ABCA2: variants seen among roughly 807,000 people sequenced by gnomAD.
ABCA2 encodes ATP binding cassette subfamily A member 2, also known as ATP-binding cassette sub-family A member 2.
ABCA2 carries 84 observed loss-of-function variants against 262.8 expected under a neutral mutation model. That is an observed-to-expected ratio of 0.32 (90% confidence interval 0.27 to 0.38). The LOEUF is 0.38. ABCA2 is among the 10% of genes least tolerant of loss of function. ABCA2 has a pLI of 1.00. For synonymous variants in ABCA2, 1,696 were observed against 1,502.9 expected, an observed-to-expected ratio of 1.13 and a Z score of -2.97; for missense variants, 2,662 against 3,405.9, an observed-to-expected ratio of 0.78 and a Z score of 5.44.
chr9:137,012,240 C>A, intron 33 of ABCA2, 25 bp downstream of exon 33: 1 of 1,592,440 alleles, frequency 6.3e-7, no homozygotes, highest in South Asian at 1.1e-5. Flanking sequence ...CCCCGCCCCG[C>A]CCCGCCCTGC....
At chr9:137,023,785 G>GC (rs1249610418) in intron 3 of ABCA2, 53 bp downstream of exon 3, 3 of 734,074 alleles carry the variant, frequency 4.1e-6, no homozygotes, top group Non-Finnish European at 7.6e-6. Context: ...CGGCCCATGG[G>GC]CCCCCCGCAG....
Position 137,011,125 on chromosome 9 carries a change from G to C in ABCA2, c.5924-20C>G, listed in dbSNP as rs1831027650. 1 of 1,612,092 alleles carries C rather than the reference G, an allele frequency of 6.2e-7. No individual in the cohort carries two copies. Among genetic ancestry groups the C allele is most frequent in the East Asian group, 2.2e-5 (1 of 44,866 alleles). On this transcript the variant is annotated intron_variant, in intron 38 of 48. Coordinates refer to ENST00000341511, the MANE Select transcript of ABCA2 (RefSeq NM_001606.5). The surrounding 1 kb of genome is among the most constrained non-coding windows in gnomAD (Gnocchi z 8.8). ...ACTGGCCTGCGGGGAGACAGCTCAG[G>C]GCCTGTGCTCTGGGCCTTGCGGGGC... is the stretch of plus-strand genomic sequence containing the variant.
chr9:137,008,967 G>T lies in ABCA2; in HGVS notation c.6914C>A (p.Pro2305Gln). The change falls in exon 46 of 49, where the codon CCG becomes CAG. Residue 2305 changes from proline (P) to glutamine (Q), a missense_variant. Coordinates refer to ENST00000341511, the MANE Select transcript of ABCA2 (RefSeq NM_001606.5). ...ACGGCGCACCTTGAGCATGGCTTCC[G>T]GGAAGTTGCGGTTGAAGAACCGCAC... is the stretch of plus-strand genomic sequence containing the variant. The part of the protein sequence containing the change: ...DVVRFFNRNF[P>Q]EAMLKERHHT... 6.4e-7 allele frequency: 1 copy of T among 1,557,616 alleles called. No homozygotes were observed. The highest frequency in any genetic ancestry group is 1.1e-5 in the South Asian group (1 of 89,630).
At position 137,012,937 on chromosome 9, in the gene ABCA2, G is replaced by A; in HGVS notation, c.4868-12C>T. The A allele has an allele frequency of 6.7e-7, 1 of 1,497,190 alleles. No homozygotes were observed. The highest frequency in any genetic ancestry group is 8.9e-7 in the Non-Finnish European group (1 of 1,121,528). The allele number at this position is 1,497,190 out of a possible 1,614,324, so 92.7% of individuals were successfully genotyped here. On this transcript the variant is annotated splice_polypyrimidine_tract_variant and intron_variant, in intron 30 of 48. Coordinates refer to ENST00000341511, the MANE Select transcript of ABCA2 (RefSeq NM_001606.5). ...CGACGTCCACATTTCTGTGGGCACA[G>A]CATGGTGCGGTGAGAAGGACCCCTC...
chr9:137,011,219 T>G lies in ABCA2; in HGVS notation c.5890A>C (p.Asn1964His). ...GCGTAGTACTCGTTGATGTACTCGTTGTAGGCCATCTCCATGAGCCCGTGG... is the reference window on the plus strand; with the variant it reads ...GCGTAGTACTCGTTGATGTACTCGTGGTAGGCCATCTCCATGAGCCCGTGG... The part of the protein sequence containing the change: ...LGHGLMEMAY[N>H]EYINEYYAKI... The change falls in exon 38 of 49, where the codon AAC (asparagine) becomes CAC (histidine). Residue 1964 changes from asparagine (N) to histidine (H), a missense_variant. Asn to His is a moderately conservative substitution (Grantham distance 68). This residue lies in a region of ABCA2 where 602 missense variants were observed against 897.4 expected (regional missense o/e 0.67). Coordinates refer to ENST00000341511, the MANE Select transcript of ABCA2 (RefSeq NM_001606.5). The surrounding 1 kb of genome is among the most constrained non-coding windows in gnomAD (Gnocchi z 8.8). 1.2e-6 allele frequency: 2 copies of G among 1,612,452 alleles called. No individual in the cohort carries two copies. The highest frequency in any genetic ancestry group is 1.7e-6 in the Non-Finnish European group (2 of 1,179,838).
chr9:137,022,979 C>T lies in ABCA2; in HGVS notation c.237G>A (p.Gln79=). The change falls in exon 4 of 49, where the codon CAG becomes CAA. Residue 79 remains glutamine (Q), a synonymous_variant. Transcript: ENST00000341511. ...PVMQSLCPDG[Q]RDEFGFLQYA... ...ACTGCAGGAAGCCGAACTCGTCTCG[C>T]TGGCCGTCCGGGCACAGCGATTGCA... The T allele has an allele frequency of 6.3e-7, 1 of 1,591,538 alleles. No individual in the cohort carries two copies. The highest frequency in any genetic ancestry group is 8.5e-7 in the Non-Finnish European group (1 of 1,170,142).
chr9:137,021,931 G>A lies in ABCA2; in HGVS notation c.638C>T (p.Pro213Leu). Residue 213 changes from proline to leucine, a missense_variant, in exon 7 of 49, where the codon CCC (proline) becomes CTC (leucine). Coordinates refer to ENST00000341511, the MANE Select transcript of ABCA2 (RefSeq NM_001606.5). This position sits in a 1 kb window ranked among gnomAD's most constrained non-coding sequence, Gnocchi z 6.0. Reference protein sequence around the residue: ...SQSGLHKGQEPWSRLGGNPLF... With the variant: ...SQSGLHKGQELWSRLGGNPLF... ...GGGATTGCCCCCTAGGCGGCTCCAG[G>A]GCTCCTGACCCTTGTGGAGGCCAGA... The A allele has an allele frequency of 1.2e-6, 2 of 1,605,618 alleles. No individual in the cohort carries two copies. Among genetic ancestry groups the A allele is most frequent in the South Asian group, 1.1e-5 (1 of 89,460 alleles).
Position 137,016,246 on chromosome 9 carries a change from G to C in ABCA2, c.3104+45C>G, listed in dbSNP as rs141068630. 8.6e-5 allele frequency: 138 copies of C among 1,611,656 alleles called. 1 individual carries two copies. In the African/African-American group the frequency reaches 1.6e-3, roughly 19 times the overall value. On this transcript the variant is annotated intron_variant, in intron 21 of 48. Transcript: ENST00000341511. Reference sequence around the variant, plus strand: ...CCACCCTGCCCTGACTAGGACTCCTGCTCTGGTCAGCAGATGCCCACCGCC... The same window carrying C: ...CCACCCTGCCCTGACTAGGACTCCTCCTCTGGTCAGCAGATGCCCACCGCC...
At position 137,019,441 on chromosome 9, in the gene ABCA2, T is replaced by A; in HGVS notation, c.1426-135A>T. The A allele has an allele frequency of 1.0e-6, 1 of 961,604 alleles. No homozygotes were observed. Among genetic ancestry groups the A allele is most frequent in the Non-Finnish European group, 1.5e-6 (1 of 673,826 alleles). 59.6% of individuals were successfully genotyped at this position (961,604 alleles called of 1,614,324 possible). A position where few individuals can be genotyped will look rare whatever the true frequency, so the allele number is the denominator to read the frequency against. ...CTCCCCACCTTTTTTTTTTTTTTTT[T>A]CCTGAGACAGGGTCTCAGTCACCCA... On this transcript the variant is annotated intron_variant, in intron 10 of 48. Coordinates refer to ENST00000341511, the MANE Select transcript of ABCA2 (RefSeq NM_001606.5). The surrounding 1 kb of genome is among the most constrained non-coding windows in gnomAD (Gnocchi z 4.4).
upstream of ABCA2, chr9:137,028,425 G>A: frequency 2.6e-6 from 1 of 379,776 alleles, no homozygotes; most frequent in Non-Finnish European, 3.6e-6. The surrounding 1 kb of genome is among the most constrained non-coding windows in gnomAD (Gnocchi z 6.9). Flanking sequence ...GACCCTGCGC[G>A]CGCCGCCGCC....
Position 137,019,349 on chromosome 9 carries a change from CCCA to C in ABCA2, c.1426-46_1426-44del. On this transcript the variant is annotated intron_variant, in intron 10 of 48. Coordinates refer to ENST00000341511, the MANE Select transcript of ABCA2 (RefSeq NM_001606.5). The surrounding 1 kb of genome is among the most constrained non-coding windows in gnomAD (Gnocchi z 4.4). ...GGGGCATGGAGTTTCTGGACGGACC[CCCA>C]CCGACTTGGGGGCTCTCACCCCACT... 6.2e-7 allele frequency: 1 copy of C among 1,601,330 alleles called. No individual in the cohort carries two copies. The highest frequency in any genetic ancestry group is 8.5e-7 in the Non-Finnish European group (1 of 1,172,144).
chr9:137,025,747 C>T (rs1279832854), intron 1 of ABCA2, among the ~76,000 whole-genome samples: 1 of 152,230 alleles, frequency 6.6e-6, no homozygotes, highest in Admixed American at 6.5e-5. Flanking sequence ...CACACCCGGC[C>T]TGCTATGGGC....
intron 1 of ABCA2, among the ~76,000 whole-genome samples, chr9:137,024,626 C>T (rs1208050907): frequency 1.3e-5 from 2 of 152,196 alleles, no homozygotes; most frequent in African/African-American, 4.8e-5. Context: ...GCCCCGCCTA[C>T]ACTTCCCACA....
chr9:137,021,462 C>T lies in ABCA2; in HGVS notation c.827G>A (p.Arg276His), dbSNP rs778226542. The T allele has an allele frequency of 7.4e-6, 12 of 1,612,112 alleles. No homozygotes were observed. Among genetic ancestry groups the T allele is most frequent in the Admixed American group, 1.7e-5 (1 of 59,990 alleles). ...AGACAGCCCAGAGAAGCGCCTGGCA[C>T]GCGCAGCAGCCTGCCCACTGCAGAC... ...DAVCSGQAAA[R>H]ARRFSGLSAE... The change falls in exon 8 of 49, where the codon CGT (arginine) becomes CAT (histidine). Residue 276 changes from arginine to histidine, a missense_variant. By Grantham distance (29) the Arg-to-His change is conservative (BLOSUM62 0). Coordinates refer to ENST00000341511, the MANE Select transcript of ABCA2 (RefSeq NM_001606.5). This position sits in a 1 kb window ranked among gnomAD's most constrained non-coding sequence, Gnocchi z 6.0.
In ABCA2 at chr9:137,011,726, G is replaced by A. The variant is rs1381506969; in HGVS notation, c.5559C>T (p.Thr1853=). The A allele has an allele frequency of 1.9e-6, 3 of 1,552,842 alleles. No individual in the cohort carries two copies. Among genetic ancestry groups the A allele is most frequent in the Non-Finnish European group, 2.6e-6 (3 of 1,148,660 alleles). The change falls in exon 36 of 49, where the codon ACC becomes ACT. Residue 1853 remains threonine (T), a synonymous_variant. Coordinates refer to ENST00000341511, the MANE Select transcript of ABCA2 (RefSeq NM_001606.5). The surrounding 1 kb of genome is among the most constrained non-coding windows in gnomAD (Gnocchi z 8.8). ...ACACAAACAGGATGATGACACAGCAGGTAGCGGGGACCAGGTAGTTGAGCT... is the reference window on the plus strand; with the variant it reads ...ACACAAACAGGATGATGACACAGCAAGTAGCGGGGACCAGGTAGTTGAGCT... ...WDMLNYLVPA[T]CCVIILFVFD... is the part of the protein sequence containing the mutation.
Position 137,011,624 on chromosome 9 carries a change from T to G in ABCA2, c.5651+10A>C. 1.3e-6 allele frequency: 2 copies of G among 1,552,792 alleles called. No homozygotes were observed. The highest frequency in any genetic ancestry group is 1.7e-6 in the Non-Finnish European group (2 of 1,148,536). ...CACCTGAGGCCGCTCCCCCCTCCGC[T>G]TCCGCTTACCCATAGAGCAGGAAGA... On this transcript the variant is annotated intron_variant, in intron 36 of 48. Transcript: ENST00000341511. This position sits in a 1 kb window ranked among gnomAD's most constrained non-coding sequence, Gnocchi z 8.8.
In ABCA2 at chr9:137,014,923, C is replaced by A; in HGVS notation, c.3872G>T (p.Arg1291Leu). The part of the protein sequence containing the change: ...SEAAKKGAFE[R>L]LFQHLERSLD... ...CGTGCGCCCTCACACCTGGAAGAGG[C>A]GCTCGAAAGCCCCCTTCTTGGCGGC... Residue 1291 changes from arginine to leucine, a missense_variant, in exon 25 of 49, where the codon CGC becomes CTC. Coordinates refer to ENST00000341511, the MANE Select transcript of ABCA2 (RefSeq NM_001606.5). The A allele has an allele frequency of 6.4e-7, 1 of 1,567,736 alleles. No homozygotes were observed. Among genetic ancestry groups the A allele is most frequent in the South Asian group, 1.2e-5 (1 of 84,510 alleles).
In ABCA2 at chr9:137,026,312, C is replaced by T. The variant is rs538998555; in HGVS notation, c.66+1763G>A. Among the ~76,000 whole-genome samples, 27 of 152,350 alleles carry T rather than the reference C, an allele frequency of 1.8e-4. No individual in the cohort carries two copies. In the South Asian group the frequency reaches 5.2e-3, roughly 29 times the overall value. On this transcript the variant is annotated intron_variant, in intron 1 of 48. Transcript: ENST00000341511. ...AGGGTGGAGCTCTGCCCAGGGTGCA[C>T]CCCTGCCCCAGCAGGGCGCATGGCA...
At chr9:137,025,408 G>A (rs548963225) in intron 1 of ABCA2, among the ~76,000 whole-genome samples, 3 of 152,212 alleles carry the variant, frequency 2.0e-5, no homozygotes, top group African/African-American at 7.2e-5. Flanking sequence ...CACCCAGCTC[G>A]GAGGCATCCT....
Sources: allele counts gnomAD v4.1 joint callset (sites outside exome capture counted in the v4.1 genomes callset), GRCh38; gene constraint gnomAD v4.1.1; regional missense constraint gnomAD v4.1.1; non-coding constraint Gnocchi (gnomAD v3.1); transcripts MANE v1.5; gene names NCBI Gene and HGNC (gene_info 2026-07-23, HGNC 2026-07-21).